RPL12: variants seen among roughly 807,000 people sequenced by gnomAD.
RPL12 encodes the protein ribosomal protein L12, also known as large ribosomal subunit protein uL11.
In RPL12, 10 loss-of-function variants were observed where a neutral mutation model predicts 24.5. That is an observed-to-expected ratio of 0.41 (90% CI 0.25 to 0.69). The LOEUF is 0.69. Among genes scored for constraint, RPL12 ranks in the 30% least tolerant of loss-of-function variants. RPL12 has a pLI of 0.33. For missense variants in RPL12, 137 were observed against 205.3 expected (o/e 0.67, Z 2.03); for synonymous variants, 74 against 76.1 (o/e 0.97, Z 0.14).
At chr9:127,451,177 G>T in intron 1 of RPL12, 104 bp downstream of exon 1, 1 of 1,470,300 alleles carries the variant, frequency 6.8e-7, no homozygotes, top group Non-Finnish European at 9.3e-7. Context: ...GAAGGTCTCT[G>T]GGAGGCAGCG....
rs962190030 is a variant in RPL12, at chr9:127,447,953, A to G, written c.416T>C (p.Val139Ala). The G allele has an allele frequency of 4.3e-6, 7 of 1,613,490 alleles. No individual in the cohort carries two copies. Among genetic ancestry groups the G allele is most frequent in the Admixed American group, 3.3e-5 (2 of 59,868 alleles). ...IKEILGTAQS[V>A]GCNVDGRHPH... ...ATGGCGGCCATCAACATTACAGCCC[A>G]CTGACTGGGCAGTCCCCAGGATCTC... The change falls in exon 6 of 7, where the codon GTG (valine) becomes GCG (alanine). Residue 139 changes from valine to alanine, a missense_variant. This residue lies in a region of RPL12 where 118 missense variants were observed against 160.7 expected (regional missense o/e 0.73). Coordinates refer to ENST00000361436, the MANE Select transcript of RPL12 (RefSeq NM_000976.4).
intron 4 of RPL12, chr9:127,448,709 AG>A: frequency 1.6e-6 from 1 of 614,772 alleles, no homozygotes. Context: ...TTAAATTGCC[AG>A]GGAGTTAAAC....
In RPL12 at chr9:127,449,601, A is replaced by T; in HGVS notation, c.210+9T>A. The T allele has an allele frequency of 6.2e-7, 1 of 1,613,092 alleles. No homozygotes were observed. Among genetic ancestry groups the T allele is most frequent in the Non-Finnish European group, 8.5e-7 (1 of 1,179,084 alleles). On this transcript the variant is annotated intron_variant, in intron 3 of 6. Transcript: ENST00000361436. ...CCCTCCTCTCCCGAAACCAAGCACA[A>T]GCAAATACCTGGGCCTGTCTGTTCT...
Position 127,451,328 on chromosome 9 carries a change from G to T in RPL12, c.-11C>A, listed in dbSNP as rs755475655. 1.2e-6 allele frequency: 2 copies of T among 1,612,136 alleles called. No homozygotes were observed. Among genetic ancestry groups the T allele is most frequent in the Non-Finnish European group, 1.7e-6 (2 of 1,179,946 alleles). ...GAACTTCGGCGGCATGGTGGAGGCG[G>T]CTGGTGTCGGATGAACCCGGATTCG... On this transcript the variant is annotated 5_prime_UTR_variant, in exon 1 of 7. Coordinates refer to ENST00000361436, the MANE Select transcript of RPL12 (RefSeq NM_000976.4).
At chr9:127,448,114 A>G (rs541651374) in intron 5 of RPL12, 125 bp from the exon 6 acceptor site, 190 of 1,218,900 alleles carry the variant, frequency 1.6e-4, no homozygotes, top group Non-Finnish European at 2.0e-4. Context: ...CTCCCCTAAT[A>G]TAGAATATAG....
rs1385523111 is a variant in RPL12, at chr9:127,451,374, A to C, written c.-57T>G. 4.1e-5 allele frequency: 65 copies of C among 1,603,578 alleles called. No homozygotes were observed. The East Asian group carries it at 9.7e-4, about 24-fold the overall frequency. ...ATTCGGGACGACCGAAGGAAGTTGC[A>C]CCTTGGCCTCCTCCGAGCCGAAAGC... On this transcript the variant is annotated 5_prime_UTR_variant, in exon 1 of 7. Transcript: ENST00000361436.
At chr9:127,450,835 A>T (rs747648840) in intron 1 of RPL12, 31 bp from the exon 2 acceptor site, 2 of 1,480,660 alleles carry the variant, frequency 1.4e-6, no homozygotes, top group Admixed American at 4.2e-5. Context: ...GTGTCTGTGC[A>T]GAGGGAGCCC....
At chr9:127,448,457 A>C in intron 4 of RPL12, 34 bp from the exon 5 acceptor site, 3 of 1,397,458 alleles carry the variant, frequency 2.1e-6, no homozygotes, top group Non-Finnish European at 3.1e-6. Flanking sequence ...GCTCTTTTAA[A>C]GTCTGAAGCC....
intron 2 of RPL12, chr9:127,450,480 C>T: frequency 8.6e-6 from 4 of 464,626 alleles, no homozygotes; most frequent in Admixed American, 4.3e-5. Context: ...CAAAACTCCC[C>T]CTTGGGCCCA....
In RPL12 at chr9:127,451,157, G is replaced by T. The variant is rs1405398828; in HGVS notation, c.37+124C>A. The T allele has an allele frequency of 1.1e-5, 14 of 1,318,454 alleles. No individual in the cohort carries two copies. In the East Asian group the frequency reaches 3.4e-4, roughly 32 times the overall value. The allele number at this position is 1,318,454 out of a possible 1,614,324, so 81.7% of individuals were successfully genotyped here. On this transcript the variant is annotated intron_variant, in intron 1 of 6. Coordinates refer to ENST00000361436, the MANE Select transcript of RPL12 (RefSeq NM_000976.4). The stretch of plus-strand genomic sequence containing the variant: ...AAGGCTGAGGCTTGGCCGGGGCGGC[G>T]CAACACCGGGAAGGTCTCTGGGAGG...
intron 5 of RPL12, 86 bp downstream of exon 5, chr9:127,448,251 T>G: frequency 8.4e-7 from 1 of 1,186,320 alleles, no homozygotes; most frequent in Admixed American, 1.7e-5. Flanking sequence ...TGGGTCTCAC[T>G]GAGCACCCTT....
Position 127,449,330 on chromosome 9 carries a change from G to A in RPL12, c.243C>T (p.Ile81=), listed in dbSNP as rs959861288. Residue 81 remains isoleucine, a synonymous_variant, in exon 4 of 7, where the codon ATC becomes ATT. Coordinates refer to ENST00000361436, the MANE Select transcript of RPL12 (RefSeq NM_000976.4). The part of the protein sequence containing the change: ...IEVVPSASAL[I]IKALKEPPRD... ...TTGGTGGTTCCTTGAGGGCTTTGATGATCAGGGCAGAGGCAGAAGGCACCA... is the reference window on the plus strand; with the variant it reads ...TTGGTGGTTCCTTGAGGGCTTTGATAATCAGGGCAGAGGCAGAAGGCACCA... The A allele has an allele frequency of 5.6e-6, 9 of 1,610,884 alleles. No homozygotes were observed. The highest frequency in any genetic ancestry group is 3.3e-4 in the Middle Eastern group (2 of 6,022).
intron 4 of RPL12, 180 bp from the exon 5 acceptor site, chr9:127,448,603 C>G (rs771025129): frequency 1.3e-6 from 1 of 758,986 alleles, no homozygotes; most frequent in South Asian, 1.4e-5. Context: ...CACCAGCCAA[C>G]AGAGACCTGG....
chr9:127,450,596 T>TA (rs1460808579), intron 2 of RPL12, 135 bp downstream of exon 2: 1 of 622,380 alleles, frequency 1.6e-6, no homozygotes, highest in East Asian at 3.1e-5. Flanking sequence ...TACCTAGTAC[T>TA]TGTTCAGTGG....
Sources: allele counts gnomAD v4.1 joint callset, GRCh38; gene constraint gnomAD v4.1.1; regional missense constraint gnomAD v4.1.1; transcripts MANE v1.5; gene names NCBI Gene and HGNC (gene_info 2026-07-23, HGNC 2026-07-21).